CRYZ: variants seen among roughly 807,000 people sequenced by gnomAD.
The protein encoded by CRYZ is zeta-crystallin.
In CRYZ, 35 loss-of-function variants were observed where a neutral mutation model predicts 34.1. The ratio of observed to expected loss-of-function variants is 1.03; its 90% confidence interval spans 0.78 to 1.36. CRYZ has a LOEUF of 1.36. Among genes scored for constraint, CRYZ ranks in the 40% most tolerant of loss-of-function variants. The pLI is 0.00. For missense variants in CRYZ, 403 were observed against 391.8 expected, an observed-to-expected ratio of 1.03 and a Z score of -0.24; for synonymous variants, 137 against 136.5, an observed-to-expected ratio of 1.00 and a Z score of -0.03.
At chr1:74,707,417 T>A in intron 6 of CRYZ, 1 of 365,178 alleles carries the variant, frequency 2.7e-6, no homozygotes, top group East Asian at 4.9e-5. Flanking sequence ...TAAAAATTTG[T>A]ACTAAATACA....
At chr1:74,724,185 A>G (rs1647223077) in intron 2 of CRYZ, among the ~76,000 whole-genome samples, 2 of 152,198 alleles carry the variant, frequency 1.3e-5, no homozygotes, top group African/African-American at 4.8e-5. Context: ...GTTATATCCA[A>G]ACTGTAAAGA....
At chr1:74,725,849 T>C (rs1424320938) in intron 1 of CRYZ, among the ~76,000 whole-genome samples, 1 of 152,062 alleles carries the variant, frequency 6.6e-6, no homozygotes, top group African/African-American at 2.4e-5. Flanking sequence ...ATGGGAGAAA[T>C]TGGCCAAAAC....
In CRYZ at chr1:74,706,398, T is replaced by C; in HGVS notation, c.888A>G (p.Lys296=). 6.2e-7 allele frequency: 1 copy of C among 1,612,220 alleles called. No individual in the cohort carries two copies. Among genetic ancestry groups the C allele is most frequent in the Non-Finnish European group, 8.5e-7 (1 of 1,179,212 alleles). ...LQAGMEIGWL[K]PVIGSQYPLE... ...ATGGATATTGAGAACCTATCACAGG[T>C]TTCAACCAGCCAATTTCCATTCCAG... is the stretch of plus-strand genomic sequence containing the variant. The change falls in exon 9 of 9, where the codon AAA becomes AAG. Residue 296 remains lysine (K), a synonymous_variant. Coordinates refer to ENST00000340866, the MANE Select transcript of CRYZ (RefSeq NM_001889.4).
intron 3 of CRYZ, among the ~76,000 whole-genome samples, chr1:74,722,132 G>C (rs1259492382): frequency 6.6e-6 from 1 of 152,072 alleles, no homozygotes; most frequent in Non-Finnish European, 1.5e-5. Flanking sequence ...TCTAAATAGA[G>C]ACTGAGAGCC....
chr1:74,730,875 T>G (rs1231684343), intron 1 of CRYZ, among the ~76,000 whole-genome samples: 2 of 152,232 alleles, frequency 1.3e-5, no homozygotes, highest in African/African-American at 4.8e-5. Context: ...AATCGCATAT[T>G]TTATGACTAA....
chr1:74,724,671 C>T, intron 2 of CRYZ, 40 bp downstream of exon 2: 1 of 1,211,382 alleles, frequency 8.3e-7, no homozygotes, highest in Non-Finnish European at 1.2e-6. Flanking sequence ...GACTCACACT[C>T]AGTATAATTA....
At chr1:74,729,101 T>C (rs192653238) in intron 1 of CRYZ, among the ~76,000 whole-genome samples, 37 of 151,004 alleles carry the variant, frequency 2.5e-4, no homozygotes, top group African/African-American at 8.2e-4. Flanking sequence ...TTTTCCATGG[T>C]GGATATAAGA....
rs1569962576 is a variant in CRYZ, at chr1:74,706,596, G to GA, written c.829-140dup. 8.7e-6 allele frequency: 7 copies of GA among 803,322 alleles called. No homozygotes were observed. The East Asian group carries it at 1.9e-4, about 22-fold the overall frequency. The allele number at this position is 803,322 out of a possible 1,614,324, so 49.8% of individuals were successfully genotyped here. ...TGTGTGACTTTTGTCAACTTGTCCA[G>GA]AACTATAGAAAAAGTAGTTATCTAC... On this transcript the variant is annotated intron_variant, in intron 8 of 8. Coordinates refer to ENST00000340866, the MANE Select transcript of CRYZ (RefSeq NM_001889.4).
intron 1 of CRYZ, among the ~76,000 whole-genome samples, chr1:74,728,688 T>A (rs1465200693): frequency 6.6e-6 from 1 of 152,204 alleles, no homozygotes; most frequent in African/African-American, 2.4e-5. Context: ...GGTGGAATCA[T>A]AAGTATTTTG....
At chr1:74,713,147 G>A (rs1352129607) in intron 5 of CRYZ, among the ~76,000 whole-genome samples, 1 of 152,044 alleles carries the variant, frequency 6.6e-6, no homozygotes, top group Non-Finnish European at 1.5e-5. Context: ...GCCTATCCCT[G>A]CCAGCTGAGG....
chr1:74,717,803 T>C (rs1478753140), intron 4 of CRYZ, among the ~76,000 whole-genome samples: 1 of 152,208 alleles, frequency 6.6e-6, no homozygotes, highest in African/African-American at 2.4e-5. Context: ...CTGCCGGTCA[T>C]GGAATCCTTT....
rs191633191 is a variant in CRYZ, at chr1:74,705,698, C to T, written c.*598G>A. ...TTATATCAAAGATAAAGCTACTATT[C>T]TCACAGAACATATGGGGTCATTGGC... On this transcript the variant is annotated 3_prime_UTR_variant, in exon 9 of 9. Coordinates refer to ENST00000340866, the MANE Select transcript of CRYZ (RefSeq NM_001889.4). 1.7e-3 allele frequency: 253 copies of T among 152,168 alleles called. 2 individuals carry two copies. The highest frequency in any genetic ancestry group is 5.9e-3 in the African/African-American group (245 of 41,536). 9.4% of individuals were successfully genotyped at this position (152,168 alleles called of 1,614,324 possible).
intron 3 of CRYZ, among the ~76,000 whole-genome samples, chr1:74,721,286 C>G (rs544039967): frequency 5.3e-5 from 8 of 152,126 alleles, no homozygotes; most frequent in Middle Eastern, 3.4e-3. Context: ...CCAATATGAA[C>G]AAAAACACAG....
chr1:74,719,843 C>A (rs1268165312), intron 3 of CRYZ, among the ~76,000 whole-genome samples: 1 of 151,640 alleles, frequency 6.6e-6, no homozygotes, highest in African/African-American at 2.4e-5. Flanking sequence ...TTAATGGGAA[C>A]CAATGGGAAG....
At chr1:74,714,381 A>G (rs1030542959) in intron 5 of CRYZ, among the ~76,000 whole-genome samples, 198 bp downstream of exon 5, 4 of 152,158 alleles carry the variant, frequency 2.6e-5, no homozygotes, top group Non-Finnish European at 5.9e-5. Context: ...TGCTCTGTTG[A>G]GTTTATTAAC....
chr1:74,718,693 T>C (rs1459779414), intron 4 of CRYZ, among the ~76,000 whole-genome samples: 1 of 152,076 alleles, frequency 6.6e-6, no homozygotes, highest in Non-Finnish European at 1.5e-5. Context: ...GCTTTTCAAA[T>C]ACTTAGTAGA....
chr1:74,726,735 G>T (rs924398046), intron 1 of CRYZ, among the ~76,000 whole-genome samples: 1 of 152,120 alleles, frequency 6.6e-6, no homozygotes, highest in African/African-American at 2.4e-5. Context: ...GAAATTTTAT[G>T]CTCTGCTTTC....
In CRYZ at chr1:74,714,513, A is replaced by G. The variant is rs6679213; in HGVS notation, c.480+66T>C. On this transcript the variant is annotated intron_variant, in intron 5 of 8. Transcript: ENST00000340866. ...TAAATCTGACTTTTAAAAATGACCA[A>G]AGGAACTATAATGTGAAACCCATAA... 6,269 of 1,440,752 alleles carry G rather than the reference A, an allele frequency of 4.4e-3. 229 individuals carry two copies. The African/African-American group carries it at 0.078, about 18-fold the overall frequency. 89.2% of individuals were successfully genotyped at this position (1,440,752 alleles called of 1,614,324 possible).
intron 1 of CRYZ, among the ~76,000 whole-genome samples, chr1:74,727,791 T>C (rs1437372807): frequency 6.6e-6 from 1 of 151,880 alleles, no homozygotes; most frequent in Non-Finnish European, 1.5e-5. Flanking sequence ...CAATTGAAGA[T>C]GAGATTTGGG....
Sources: gnomAD v4.1 joint callset for allele counts (sites outside exome capture counted in the v4.1 genomes callset) on GRCh38, gnomAD v4.1.1 for gene constraint, MANE v1.5 for transcripts, NCBI Gene and HGNC (gene_info 2026-07-23, HGNC 2026-07-21) for gene names.